The following TMEM116 variants were observed in gnomAD, a reference collection of about 807,000 sequenced individuals.
TMEM116 encodes transmembrane protein 116.
Under a neutral mutation model 44.3 loss-of-function variants are expected in TMEM116, and 38 were observed. The observed-to-expected ratio is 0.86, with a 90% CI of 0.66 to 1.12. The LOEUF (loss-of-function observed/expected upper bound fraction) is 1.12. Ranked by LOEUF, TMEM116 falls within the 50% of genes most tolerant of loss-of-function variation. The pLI, the probability that TMEM116 is intolerant of heterozygous loss-of-function variation, is 0.00. For synonymous variants in TMEM116, 132 were observed against 144.8 expected, an observed-to-expected ratio of 0.91 and a Z score of 0.64; for missense variants, 354 against 401.7, an observed-to-expected ratio of 0.88 and a Z score of 1.01.
At chr12:111,983,229 A>C (rs1268405799) in intron 4 of TMEM116, among the ~76,000 whole-genome samples, 1 of 152,128 alleles carries the variant, frequency 6.6e-6, no homozygotes, top group East Asian at 1.9e-4. Flanking sequence ...TGGGGTCAGG[A>C]GTCTGAGACC....
chr12:111,947,856 A>C lies in TMEM116; in HGVS notation c.211-4487T>G, dbSNP rs548096165. ...CTGCAAAACTGCTAATCAAGATAAA[A>C]CCAAAAAATTAGTTACATGAGATTA... On this transcript the variant is annotated intron_variant, in intron 4 of 10. Coordinates refer to ENST00000552374, the MANE Select transcript of TMEM116 (RefSeq NM_001193531.2). Among the ~76,000 whole-genome samples, 5 of 152,336 alleles carry C rather than the reference A, an allele frequency of 3.3e-5. No individual in the cohort carries two copies. The East Asian group carries it at 9.6e-4, about 29-fold the overall frequency.
rs929081417 is a variant in TMEM116 at position 112,012,982 on chromosome 12, A to C, written c.-34+20T>G. Reference sequence around the variant, plus strand: ...GGAGCCTGACTGAGAATAACGGCTGAACTTGACTAATAGACTGACCGAGGG... The same window carrying C: ...GGAGCCTGACTGAGAATAACGGCTGCACTTGACTAATAGACTGACCGAGGG... On this transcript the variant is annotated intron_variant, in intron 1 of 10. Coordinates refer to ENST00000552374, the MANE Select transcript of TMEM116 (RefSeq NM_001193531.2). The C allele has an allele frequency of 6.4e-6, 1 of 156,302 alleles. No homozygotes were observed. Among genetic ancestry groups the C allele is most frequent in the African/African-American group, 2.4e-5 (1 of 41,598 alleles). The allele number at this position is 156,302 out of a possible 1,614,324, so 9.7% of individuals were successfully genotyped here.
At chr12:111,941,137 G>A (rs890260846) in intron 5 of TMEM116, among the ~76,000 whole-genome samples, 7 of 152,086 alleles carry the variant, frequency 4.6e-5, no homozygotes, top group Admixed American at 2.0e-4. Flanking sequence ...CAGCACTTTG[G>A]GGGGCTGAGG....
At chr12:111,957,804 G>T (rs1019814937) in intron 4 of TMEM116, among the ~76,000 whole-genome samples, 2 of 152,248 alleles carry the variant, frequency 1.3e-5, no homozygotes, top group Non-Finnish European at 2.9e-5. Flanking sequence ...AACGGGCCAT[G>T]ATGACAATGG....
intron 1 of TMEM116, among the ~76,000 whole-genome samples, chr12:112,008,479 CAAAAA>C (rs568656215): frequency 1.5e-5 from 2 of 129,720 alleles, no homozygotes; most frequent in African/African-American, 5.7e-5. Context: ...GACTCCACCT[CAAAAA>C]AAAAAAAACC....
intron 4 of TMEM116, among the ~76,000 whole-genome samples, chr12:111,982,749 C>A (rs2076013899): frequency 6.6e-6 from 1 of 152,070 alleles, no homozygotes; most frequent in African/African-American, 2.4e-5. Flanking sequence ...ATTTGCAACT[C>A]CTATGGACAT....
chr12:111,938,793 G>A (rs7959619), intron 5 of TMEM116, among the ~76,000 whole-genome samples: 29,843 of 152,124 alleles, frequency 0.2, 3,142 homozygotes, highest in Middle Eastern at 0.27. Context: ...TTACAGAATA[G>A]TTTTTCCTAC....
At chr12:111,934,982 A>G (rs991517618) in intron 8 of TMEM116, 1 of 152,204 alleles carries the variant, frequency 6.6e-6, no homozygotes, top group African/African-American at 2.4e-5. Context: ...TAATAACCTC[A>G]TTACTTAATC....
chr12:111,932,364 A>G (rs1170688425), intron 10 of TMEM116, among the ~76,000 whole-genome samples: 1 of 152,184 alleles, frequency 6.6e-6, no homozygotes, highest in East Asian at 1.9e-4. Flanking sequence ...TTGACCAGAG[A>G]TATATACGCT....
chr12:112,003,023 T>C (rs1381941864), intron 3 of TMEM116, among the ~76,000 whole-genome samples: 2 of 152,238 alleles, frequency 1.3e-5, no homozygotes, highest in Non-Finnish European at 2.9e-5. Context: ...ATAGTTTAAA[T>C]GTATTTTTAC....
chr12:111,958,709 A>C (rs1281380427), intron 4 of TMEM116, among the ~76,000 whole-genome samples: 2 of 152,192 alleles, frequency 1.3e-5, no homozygotes, highest in Non-Finnish European at 2.9e-5. Context: ...ATACACAAGT[A>C]TCAATAGCCA....
At chr12:112,005,519 G>C (rs1367049573) in intron 1 of TMEM116, 1 of 467,518 alleles carries the variant, frequency 2.1e-6, no homozygotes. Context: ...CTGGGAAATA[G>C]TATGATTTTT....
At chr12:112,012,330 A>T (rs2136766254) in intron 1 of TMEM116, 1 of 152,112 alleles carries the variant, frequency 6.6e-6, no homozygotes. Context: ...TCTGTCACCT[A>T]GGCTGAAGTG....
intron 4 of TMEM116, among the ~76,000 whole-genome samples, chr12:111,969,281 T>C (rs2075178406): frequency 6.8e-6 from 1 of 147,196 alleles, no homozygotes; most frequent in Non-Finnish European, 1.5e-5. Flanking sequence ...GATTGCACCA[T>C]TGCACTCCAG....
At chr12:111,985,123 C>T (rs2076151455) in intron 4 of TMEM116, among the ~76,000 whole-genome samples, 1 of 152,054 alleles carries the variant, frequency 6.6e-6, no homozygotes, top group Non-Finnish European at 1.5e-5. Context: ...GGTGAGGATG[C>T]CTGCTTTTAC....
chr12:111,985,315 CAAAT>C (rs2076168293), intron 4 of TMEM116, among the ~76,000 whole-genome samples: 2 of 147,318 alleles, frequency 1.4e-5, no homozygotes, highest in Admixed American at 1.4e-4. Flanking sequence ...ACTGTTCAAA[CAAAT>C]AATAGAATTC....
chr12:111,984,309 G>A (rs1229720894), intron 4 of TMEM116, among the ~76,000 whole-genome samples: 1 of 152,078 alleles, frequency 6.6e-6, no homozygotes, highest in African/African-American at 2.4e-5. Flanking sequence ...AGTGAAAGAA[G>A]CCAGGCACAG....
At chr12:111,972,683 A>G (rs1448102137) in intron 4 of TMEM116, among the ~76,000 whole-genome samples, 1 of 152,124 alleles carries the variant, frequency 6.6e-6, no homozygotes, top group Non-Finnish European at 1.5e-5. Flanking sequence ...GTTCAAGACC[A>G]CCCTAGCCAA....
Position 111,931,879 on chromosome 12 carries a change from C to G in TMEM116, c.808-52G>C, listed in dbSNP as rs372646418. 19 of 1,294,918 alleles carry G rather than the reference C, an allele frequency of 1.5e-5. No individual in the cohort carries two copies. In the African/African-American group the frequency reaches 2.7e-4, roughly 19 times the overall value. The allele number at this position is 1,294,918 out of a possible 1,614,324, so 80.2% of individuals were successfully genotyped here. A position where few individuals can be genotyped will look rare whatever the true frequency, so the allele number is the denominator to read the frequency against. Reference sequence around the variant, plus strand: ...CCCATGCTTCAGGTTTTCAGGGATCCAGGGAATAATTCTCACTCCCCTTAT... The same window carrying G: ...CCCATGCTTCAGGTTTTCAGGGATCGAGGGAATAATTCTCACTCCCCTTAT... On this transcript the variant is annotated intron_variant, in intron 10 of 10. Transcript: ENST00000552374.
Sources: allele counts gnomAD v4.1 joint callset (sites outside exome capture counted in the v4.1 genomes callset), GRCh38; gene constraint gnomAD v4.1.1; transcripts MANE v1.5; gene names NCBI Gene and HGNC (gene_info 2026-07-23, HGNC 2026-07-21).